IQCJ: variants seen among roughly 807,000 people sequenced by gnomAD.
The protein encoded by IQCJ is IQ motif containing J, also known as IQ domain-containing protein J.
In IQCJ, 9 loss-of-function variants were observed where a neutral mutation model predicts 11.0. The observed-to-expected ratio is 0.82, with a 90% CI of 0.49 to 1.43. IQCJ has a LOEUF of 1.43. Among genes scored for constraint, IQCJ ranks in the 40% most tolerant of loss-of-function variants. The pLI is 0.00. For synonymous variants in IQCJ, 55 were observed against 51.3 expected, an observed-to-expected ratio of 1.07 and a Z score of -0.31; for missense variants, 146 against 133.2, an observed-to-expected ratio of 1.10 and a Z score of -0.47.
At chr3:159,187,463 A>G (rs1018093042) in intron 1 of IQCJ, among the ~76,000 whole-genome samples, 2 of 152,242 alleles carry the variant, frequency 1.3e-5, no homozygotes, top group African/African-American at 4.8e-5. Context: ...TAAAGCTGTG[A>G]CTACACGTCC....
intron 1 of IQCJ, among the ~76,000 whole-genome samples, chr3:159,179,845 A>G (rs972798366): frequency 1.3e-5 from 2 of 152,204 alleles, no homozygotes; most frequent in Non-Finnish European, 2.9e-5. Flanking sequence ...GAAGAGCCCA[A>G]TTCAAATTCA....
At chr3:159,116,303 A>G (rs7615549) in intron 1 of IQCJ, among the ~76,000 whole-genome samples, 103,643 of 151,784 alleles carry the variant, frequency 0.68, 35,436 homozygotes, top group East Asian at 0.71. Flanking sequence ...AGAGGAAGAC[A>G]AAGAAGAAAA....
At chr3:159,095,067 A>G (rs931954862) in intron 1 of IQCJ, among the ~76,000 whole-genome samples, 1 of 151,836 alleles carries the variant, frequency 6.6e-6, no homozygotes, top group Non-Finnish European at 1.5e-5. Context: ...ACTGGTTGCC[A>G]CATATTTTGA....
chr3:159,246,327 AGAGAT>A (rs1209885865), intron 2 of IQCJ, among the ~76,000 whole-genome samples: 1 of 152,248 alleles, frequency 6.6e-6, no homozygotes. Context: ...GCAAAAAAGA[AGAGAT>A]GAAATTGAAC....
chr3:159,129,689 A>G (rs73027657), intron 1 of IQCJ, among the ~76,000 whole-genome samples: 4,203 of 152,312 alleles, frequency 0.028, 198 homozygotes, highest in African/African-American at 0.096. Context: ...GAGCAGTTTT[A>G]GCATATAGAA....
chr3:159,165,997 G>T (rs1055227281), intron 1 of IQCJ, among the ~76,000 whole-genome samples: 5 of 151,876 alleles, frequency 3.3e-5, no homozygotes, highest in African/African-American at 7.3e-5. Flanking sequence ...TCTTGCAAGT[G>T]CATCATGCAT....
chr3:159,187,481 C>T (rs192853294), intron 1 of IQCJ, among the ~76,000 whole-genome samples: 9 of 152,358 alleles, frequency 5.9e-5, no homozygotes, highest in African/African-American at 1.7e-4. Flanking sequence ...TCCTTTTCAA[C>T]GAACTTGTCT....
intron 1 of IQCJ, among the ~76,000 whole-genome samples, chr3:159,103,257 A>G (rs768237226): frequency 1.3e-5 from 2 of 152,212 alleles, no homozygotes; most frequent in South Asian, 2.1e-4. Context: ...ATATTTGTAT[A>G]TTTGCAGGAA....
At position 159,089,712 on chromosome 3, in the gene IQCJ, C is replaced by T. The variant is rs192736764; in HGVS notation, c.9+20271C>T. ...TACCCTTTCTTCCAGTTGATCTCAC[C>T]GGCTCCTGAGGCTTCTGCATTCTTT... On this transcript the variant is annotated intron_variant, in intron 1 of 3. Coordinates refer to ENST00000397832, the MANE Select transcript of IQCJ (RefSeq NM_001042706.3). 4.6e-3 allele frequency among the ~76,000 whole-genome samples: 700 copies of T among 151,788 alleles called. 24 individuals carry two copies. The highest frequency in any genetic ancestry group is 0.016 in the African/African-American group (655 of 41,124).
Position 159,146,879 on chromosome 3 carries a change from T to C in IQCJ, c.9+77438T>C, listed in dbSNP as rs540475578. Among the ~76,000 whole-genome samples, 4 of 152,348 alleles carry C rather than the reference T, an allele frequency of 2.6e-5. No homozygotes were observed. In the South Asian group the frequency reaches 8.3e-4, roughly 32 times the overall value. ...GATTAAATAGTCAAGGGCTGTCAGG[T>C]GGGCTCAGCTTCCTAAGACTTCATT... is the stretch of plus-strand genomic sequence containing the variant. On this transcript the variant is annotated intron_variant, in intron 1 of 3. Transcript: ENST00000397832.
chr3:159,093,915 T>G (rs895262265), intron 1 of IQCJ, among the ~76,000 whole-genome samples: 2 of 151,774 alleles, frequency 1.3e-5, no homozygotes, highest in Non-Finnish European at 2.9e-5. Flanking sequence ...ATGAGGTCCC[T>G]CCCCAAACAC....
intron 2 of IQCJ, among the ~76,000 whole-genome samples, chr3:159,247,358 G>A (rs1323017124): frequency 6.6e-6 from 1 of 152,186 alleles, no homozygotes; most frequent in Non-Finnish European, 1.5e-5. Flanking sequence ...GCCTCCCAAA[G>A]TGTTGGGATT....
At chr3:159,227,642 C>T (rs1035931836) in intron 1 of IQCJ, among the ~76,000 whole-genome samples, 1 of 152,164 alleles carries the variant, frequency 6.6e-6, no homozygotes, top group African/African-American at 2.4e-5. Flanking sequence ...CTAGACGGAG[C>T]ATATTGTACG....
chr3:159,103,418 C>T (rs914950545), intron 1 of IQCJ, among the ~76,000 whole-genome samples: 1 of 152,164 alleles, frequency 6.6e-6, no homozygotes, highest in African/African-American at 2.4e-5. Flanking sequence ...TCATACTCCA[C>T]TCTTGAGGTA....
intron 1 of IQCJ, among the ~76,000 whole-genome samples, chr3:159,211,321 C>A (rs1363263974): frequency 6.6e-6 from 1 of 152,160 alleles, no homozygotes; most frequent in Admixed American, 6.5e-5. Context: ...TCCTAGCCAA[C>A]TTGAAAAGCA....
At chr3:159,168,257 G>T (rs1041231308) in intron 1 of IQCJ, among the ~76,000 whole-genome samples, 1 of 152,146 alleles carries the variant, frequency 6.6e-6, no homozygotes, top group Non-Finnish European at 1.5e-5. Flanking sequence ...AAAGGACTAG[G>T]CTGGGGATGA....
At chr3:159,220,534 G>A (rs1218821191) in intron 1 of IQCJ, among the ~76,000 whole-genome samples, 4 of 152,068 alleles carry the variant, frequency 2.6e-5, no homozygotes. Context: ...CTCCAGAACT[G>A]TAAGAAAATA....
intron 1 of IQCJ, among the ~76,000 whole-genome samples, chr3:159,153,058 T>C (rs1409982481): frequency 6.6e-6 from 1 of 152,188 alleles, no homozygotes; most frequent in African/African-American, 2.4e-5. Context: ...TAAATAATGT[T>C]TAAGGGTCAG....
chr3:159,150,904 G>C (rs145650691), intron 1 of IQCJ, among the ~76,000 whole-genome samples: 17 of 152,150 alleles, frequency 1.1e-4, no homozygotes, highest in Non-Finnish European at 2.1e-4. Context: ...TGACTACCCT[G>C]GTGCTTTGAT....
Sources: gnomAD v4.1 joint callset for allele counts (sites outside exome capture counted in the v4.1 genomes callset) on GRCh38, gnomAD v4.1.1 for gene constraint, MANE v1.5 for transcripts, NCBI Gene and HGNC (gene_info 2026-07-23, HGNC 2026-07-21) for gene names.